The following DMD variants were observed in gnomAD, a reference collection of about 807,000 sequenced individuals.
DMD encodes mutant dystrophin.
In DMD, 63 loss-of-function variants were observed where a neutral mutation model predicts 330.1. The ratio of observed to expected loss-of-function variants is 0.19; its 90% CI spans 0.16 to 0.24. The LOEUF (loss-of-function observed/expected upper bound fraction) is 0.24, where lower values mean the gene tolerates loss of function less well. Among genes scored for constraint, DMD ranks in the 10% least tolerant of loss-of-function variants. The pLI is 1.00. For missense variants in DMD, 3,344 were observed against 2,684.1 expected, an observed-to-expected ratio of 1.25 and a Z score of -5.43; for synonymous variants, 1,223 against 959.8, an observed-to-expected ratio of 1.27 and a Z score of -5.07.
rs1051070978 is a variant in DMD, at chrX:32,447,778, A to C, written c.3786+678T>G. Among the ~76,000 whole-genome samples the C allele has an allele frequency of 6.3e-5, 7 of 111,955 alleles. No individual in the cohort carries two copies. The East Asian group carries it at 1.4e-3, about 22-fold the overall frequency. ...TTGTGCCCCTTGGCACAGTATTTTCATAAGAAAGGTCATAGCTTATTTTTG... is the reference window on the plus strand; with the variant it reads ...TTGTGCCCCTTGGCACAGTATTTTCCTAAGAAAGGTCATAGCTTATTTTTG... On this transcript the variant is annotated intron_variant, in intron 27 of 78. Transcript: ENST00000357033.
chrX:31,333,700 A>G (rs1283616378), intron 61 of DMD, among the ~76,000 whole-genome samples: 1 of 102,980 alleles, frequency 9.7e-6, no homozygotes, highest in Non-Finnish European at 1.9e-5. Context: ...TTCCTCTTCG[A>G]TTTTTTTTTT....
intron 1 of DMD, among the ~76,000 whole-genome samples, chrX:33,139,458 G>A (rs775799243): frequency 2.2e-4 from 24 of 111,150 alleles, no homozygotes; most frequent in Non-Finnish European, 3.8e-4. Context: ...GAGATTACAG[G>A]CACCTGCCAT....
At chrX:32,209,607 C>T (rs2097085662) in intron 44 of DMD, among the ~76,000 whole-genome samples, 1 of 111,254 alleles carries the variant, frequency 9.0e-6, no homozygotes. Context: ...AATGATGGTG[C>T]GCAGTTTTGT....
intron 52 of DMD, among the ~76,000 whole-genome samples, chrX:31,692,275 G>A (rs2083175464): frequency 9.0e-6 from 1 of 111,155 alleles, no homozygotes; most frequent in Non-Finnish European, 1.9e-5. Flanking sequence ...GCAGTGCTAA[G>A]AGGGAAGTTT....
chrX:32,465,126 A>G (rs1435344982), intron 23 of DMD, among the ~76,000 whole-genome samples: 1 of 112,213 alleles, frequency 8.9e-6, no homozygotes, highest in Non-Finnish European at 1.9e-5. Context: ...TATTTTCTAC[A>G]GATGACAGTT....
In DMD at chrX:31,291,089, TTAAA is replaced by T. The variant is rs2053654508; in HGVS notation, c.9225-30077_9225-30074del. On this transcript the variant is annotated intron_variant, in intron 62 of 78. Transcript: ENST00000357033. ...TGACAAATTCATATTTAAGTGTAAATTAAATAAATGTCAACTATAAATGAATTAT... is the reference window on the plus strand; with the variant it reads ...TGACAAATTCATATTTAAGTGTAAATTAAATGTCAACTATAAATGAATTAT... Among the ~76,000 whole-genome samples the T allele has an allele frequency of 2.7e-5, 3 of 112,302 alleles. No homozygotes were observed. The South Asian group carries it at 1.1e-3, about 41-fold the overall frequency.
intron 43 of DMD, among the ~76,000 whole-genome samples, chrX:32,257,268 T>C (rs1161488599): frequency 8.9e-6 from 1 of 111,925 alleles, no homozygotes; most frequent in African/African-American, 3.3e-5. Context: ...TTCAATGCTA[T>C]CCCCAACAGG....
intron 9 of DMD, among the ~76,000 whole-genome samples, chrX:32,697,596 G>T (rs770590375): frequency 1.8e-5 from 2 of 111,422 alleles, no homozygotes; most frequent in South Asian, 7.5e-4. Flanking sequence ...ACCATTAGCA[G>T]CCTTTGTCAA....
chrX:32,446,272 G>A (rs1017576250), intron 27 of DMD, among the ~76,000 whole-genome samples: 6 of 110,414 alleles, frequency 5.4e-5, no homozygotes, highest in African/African-American at 2.0e-4. Flanking sequence ...AGACAAAATA[G>A]GGTGAAACTG....
At chrX:32,545,797 T>C (rs1250421550) in intron 16 of DMD, among the ~76,000 whole-genome samples, 1 of 111,628 alleles carries the variant, frequency 9.0e-6, no homozygotes, top group Non-Finnish European at 1.9e-5. Context: ...TATTTTATGT[T>C]ATACATTTTT....
At chrX:31,896,920 T>G (rs190430763) in intron 47 of DMD, among the ~76,000 whole-genome samples, 98 of 111,741 alleles carry the variant, frequency 8.8e-4, no homozygotes, top group Non-Finnish European at 1.4e-3. Context: ...TTTTTTCTTT[T>G]TTTTTTCTTT....
chrX:32,783,427 T>A (rs2075069888), intron 7 of DMD, among the ~76,000 whole-genome samples: 1 of 104,230 alleles, frequency 9.6e-6, no homozygotes, highest in Admixed American at 1.1e-4. Flanking sequence ...CCCACAAAAA[T>A]TTCCAAAAAA....
chrX:32,159,897 C>G (rs1344507386), intron 44 of DMD, among the ~76,000 whole-genome samples: 1 of 111,868 alleles, frequency 8.9e-6, no homozygotes, highest in Non-Finnish European at 1.9e-5. Flanking sequence ...GACAATACCC[C>G]AGACCTACTG....
chrX:31,993,410 T>A (rs1002972341), intron 44 of DMD, among the ~76,000 whole-genome samples: 1 of 111,548 alleles, frequency 9.0e-6, no homozygotes, highest in African/African-American at 3.3e-5. Flanking sequence ...CTTGATTACC[T>A]TTCTACAAGA....
intron 12 of DMD, among the ~76,000 whole-genome samples, chrX:32,607,425 T>C (rs2056820502): frequency 1.9e-5 from 2 of 102,624 alleles, no homozygotes. Flanking sequence ...GTTTAGTGCT[T>C]TTTTAGTCTT....
At chrX:31,585,097 A>T (rs1388512567) in intron 55 of DMD, among the ~76,000 whole-genome samples, 1 of 110,093 alleles carries the variant, frequency 9.1e-6, no homozygotes. Flanking sequence ...TGAGGTGGGC[A>T]GATCACTTGA....
intron 17 of DMD, 133 bp downstream of exon 17, chrX:32,545,026 T>C: frequency 1.7e-6 from 1 of 583,606 alleles, no homozygotes; most frequent in South Asian, 2.8e-5. Flanking sequence ...ATAATTTTTC[T>C]CACTACATTA....
intron 41 of DMD, among the ~76,000 whole-genome samples, chrX:32,326,767 C>T (rs1331808320): frequency 1.8e-5 from 2 of 109,691 alleles, no homozygotes; most frequent in Non-Finnish European, 3.8e-5. Flanking sequence ...ATTAGCCAGG[C>T]GTGATGGCGG....
At chrX:33,020,838 G>A (rs921925503) in intron 1 of DMD, among the ~76,000 whole-genome samples, 6 of 111,014 alleles carry the variant, frequency 5.4e-5, no homozygotes, top group South Asian at 3.8e-4. Context: ...CATTTACTCC[G>A]AAAAACTATT....
Sources: allele counts gnomAD v4.1 joint callset (sites outside exome capture counted in the v4.1 genomes callset), GRCh38; gene constraint gnomAD v4.1.1; transcripts MANE v1.5; gene names NCBI Gene and HGNC (gene_info 2026-07-23, HGNC 2026-07-21).